Variants in SPAG9 observed in about 807,000 individuals in gnomAD.
SPAG9 encodes the protein C-Jun-amino-terminal kinase-interacting protein 4.
A neutral mutation model predicts 166.5 loss-of-function variants in SPAG9; 35 were observed. The observed-to-expected ratio is 0.21, with a 90% CI of 0.16 to 0.28. The LOEUF (loss-of-function observed/expected upper bound fraction) is 0.28, where lower values mean the gene tolerates loss of function less well. SPAG9 is among the 10% of genes least tolerant of loss of function. SPAG9 has a pLI of 1.00. For missense variants in SPAG9, 1,235 were observed against 1,603.3 expected (o/e 0.77, Z 3.92); for synonymous variants, 534 against 565.5 (o/e 0.94, Z 0.79).
At chr17:51,021,111 G>A (rs761799246) in intron 7 of SPAG9, 47 bp downstream of exon 7, 29 of 1,503,090 alleles carry the variant, frequency 1.9e-5, no homozygotes, top group Non-Finnish European at 2.8e-6. Context: ...ACATTATCCA[G>A]GTTTACTGAA....
At chr17:51,016,122 A>G (rs1359469882) in intron 8 of SPAG9, 1 of 152,148 alleles carries the variant, frequency 6.6e-6, no homozygotes, top group Admixed American at 6.5e-5. Context: ...TGGAAAAAAA[A>G]TCTCCCAACC....
chr17:50,994,905 A>G, intron 18 of SPAG9, 152 bp downstream of exon 18: 2 of 582,848 alleles, frequency 3.4e-6, no homozygotes, highest in South Asian at 2.6e-5. Flanking sequence ...TTATACCTCA[A>G]TATTTTAAAA....
At chr17:51,075,195 CAAAAA>C (rs57533555) in intron 2 of SPAG9, among the ~76,000 whole-genome samples, 1 of 28,966 alleles carries the variant, frequency 3.5e-5, no homozygotes, top group Admixed American at 4.7e-4. Context: ...GACTCCATCT[CAAAAA>C]AAAAAAAAAA....
chr17:50,999,693 C>G lies in SPAG9; in HGVS notation c.1632G>C (p.Met544Ile), dbSNP rs148718222. Residue 544 changes from methionine (M) to isoleucine (I), a missense_variant, in exon 14 of 30, where the codon ATG becomes ATC. By Grantham distance (10) the Met-to-Ile change is conservative. Transcript: ENST00000262013. Reference protein sequence around the residue: ...MIRASRENPAMQEKKRSSIWQ... With the variant: ...MIRASRENPAIQEKKRSSIWQ... ...AAATGCTTGACCTTTTTTTTTCCTGCATGGCTGGATTTTCTCGTGATGCCC... is the reference window on the plus strand; with the variant it reads ...AAATGCTTGACCTTTTTTTTTCCTGGATGGCTGGATTTTCTCGTGATGCCC... The G allele has an allele frequency of 1.2e-6, 2 of 1,612,002 alleles. No individual in the cohort carries two copies. Among genetic ancestry groups the G allele is most frequent in the Non-Finnish European group, 1.7e-6 (2 of 1,179,174 alleles).
chr17:51,080,696 C>T (rs1423711534), intron 1 of SPAG9, among the ~76,000 whole-genome samples: 3 of 151,916 alleles, frequency 2.0e-5, no homozygotes, highest in African/African-American at 7.3e-5. Flanking sequence ...ACCTGGCCAA[C>T]ATGCTGAAAC....
intron 8 of SPAG9, 120 bp downstream of exon 8, chr17:51,020,039 A>C (rs2045878537): frequency 1.6e-6 from 1 of 639,664 alleles, no homozygotes; most frequent in Non-Finnish European, 2.8e-6. Context: ...ATTAGAATAT[A>C]ATACTAACAT....
chr17:51,021,087 A>G lies in SPAG9; in HGVS notation c.991+71T>C, dbSNP rs187588275. ...AAGCAGGCAACACCCACAAAGACAT[A>G]TTTTCTCATACCCACATTATCCAGG... On this transcript the variant is annotated intron_variant, in intron 7 of 29. Transcript: ENST00000262013. 9 of 1,328,698 alleles carry G rather than the reference A, an allele frequency of 6.8e-6. No homozygotes were observed. In the African/African-American group the frequency reaches 1.3e-4, roughly 19 times the overall value. 82.3% of individuals were successfully genotyped at this position (1,328,698 alleles called of 1,614,324 possible). A position where few individuals can be genotyped will look rare whatever the true frequency, so the allele number is the denominator to read the frequency against.
rs1311753526 is a variant in SPAG9 at position 50,993,865 on chromosome 17, G to A, written c.2297C>T (p.Ser766Leu). Residue 766 changes from serine (S) to leucine (L), a missense_variant, in exon 19 of 30, where the codon TCG becomes TTG. By Grantham distance (145) the Ser-to-Leu change is moderately radical (BLOSUM62 -2). Around this residue, in one of 6 missense-constraint regions of SPAG9, gnomAD observed 493 missense variants for 559.4 expected, o/e 0.88. Coordinates refer to ENST00000262013, the MANE Select transcript of SPAG9 (RefSeq NM_001130528.3). ...ATCAATAATAAGAACTTTTGTAGCC[G>A]AATGAGTGCTGGTACAGATCCAAAC... ...SLVWICTSTHSATKVLIIDAV... is the reference protein window; with the variant it reads ...SLVWICTSTHLATKVLIIDAV... The A allele has an allele frequency of 6.8e-6, 11 of 1,613,982 alleles. No individual in the cohort carries two copies. Among genetic ancestry groups the A allele is most frequent in the Middle Eastern group, 1.6e-4 (1 of 6,084 alleles).
intron 19 of SPAG9, 24 bp downstream of exon 19, chr17:50,993,740 G>A (rs1185054968): frequency 6.2e-7 from 1 of 1,610,000 alleles, no homozygotes; most frequent in Non-Finnish European, 8.5e-7. Context: ...GGGGAGGGCA[G>A]AGAAACGCAT....
chr17:51,001,974 A>T (rs2044972939), intron 12 of SPAG9, 129 bp from the exon 13 acceptor site: 1 of 802,190 alleles, frequency 1.2e-6, no homozygotes. Context: ...TCATTTAAAG[A>T]AAAATGGCTT....
At chr17:51,112,671 CAAAAAAA>C (rs1206604151) in intron 1 of SPAG9, among the ~76,000 whole-genome samples, 3 of 41,400 alleles carry the variant, frequency 7.2e-5, no homozygotes, top group Non-Finnish European at 1.7e-4. Context: ...TCTGTCTCAA[CAAAAAAA>C]AAAAAAAAAA....
chr17:51,009,515 G>A (rs1024865807), intron 9 of SPAG9, among the ~76,000 whole-genome samples: 2 of 152,122 alleles, frequency 1.3e-5, no homozygotes, highest in Admixed American at 6.5e-5. Flanking sequence ...TGGCTTGCAC[G>A]TCTTTGGGTG....
chr17:50,992,497 C>T (rs984623371), intron 19 of SPAG9, among the ~76,000 whole-genome samples: 2 of 151,984 alleles, frequency 1.3e-5, no homozygotes, highest in African/African-American at 4.8e-5. Flanking sequence ...ATGGTGAAAC[C>T]CTGCCTACAA....
chr17:50,999,479 G>C, intron 14 of SPAG9, 182 bp downstream of exon 14: 1 of 1,498,516 alleles, frequency 6.7e-7, no homozygotes, highest in Non-Finnish European at 8.8e-7. Flanking sequence ...GCCTTACCGA[G>C]TTGGCACACT....
chr17:51,079,423 G>A (rs1484800278), intron 2 of SPAG9, among the ~76,000 whole-genome samples, 161 bp downstream of exon 2: 1 of 152,048 alleles, frequency 6.6e-6, no homozygotes, highest in Admixed American at 6.6e-5. Context: ...ATTTTTAGTA[G>A]AGACGAGGTT....
At chr17:51,107,046 G>T (rs903782948) in intron 1 of SPAG9, among the ~76,000 whole-genome samples, 1 of 150,474 alleles carries the variant, frequency 6.6e-6, no homozygotes, top group East Asian at 2.0e-4. Context: ...AGGTTGCAGC[G>T]AGCCAAGATC....
At chr17:51,059,951 T>C (rs1026077550) in intron 2 of SPAG9, among the ~76,000 whole-genome samples, 2 of 152,072 alleles carry the variant, frequency 1.3e-5, no homozygotes, top group African/African-American at 2.4e-5. Context: ...AAAATAGAGA[T>C]GGAATCAAAC....
rs371721966 is a variant in SPAG9 at position 50,996,360 on chromosome 17, C to T, written c.1968+205G>A. 8.1e-5 allele frequency: 46 copies of T among 571,280 alleles called. 1 individual carries two copies. In the South Asian group the frequency reaches 1.1e-3, roughly 13 times the overall value. 35.4% of individuals were successfully genotyped at this position (571,280 alleles called of 1,614,324 possible). On this transcript the variant is annotated intron_variant, in intron 16 of 29. Transcript: ENST00000262013. ...CCACCCTTTATTGACTCCTCCCCCCCTCACAGACTCAGAGCATTTCATTTG... is the reference window on the plus strand; with the variant it reads ...CCACCCTTTATTGACTCCTCCCCCCTTCACAGACTCAGAGCATTTCATTTG...
rs1220398997 is a variant in SPAG9, at chr17:51,089,122, CAA to C, written c.304-9420_304-9419del. ...CAAAACAAAACAAAACACACACACA[CAA>C]AAAAAAAACAGAAGTTGGGCCAGGC... On this transcript the variant is annotated intron_variant, in intron 1 of 29. Transcript: ENST00000262013. 4.7e-4 allele frequency among the ~76,000 whole-genome samples: 68 copies of C among 144,908 alleles called. 1 individual carries two copies. In the South Asian group the frequency reaches 0.011, roughly 24 times the overall value.
Sources: allele counts gnomAD v4.1 joint callset (sites outside exome capture counted in the v4.1 genomes callset), GRCh38; gene constraint gnomAD v4.1.1; regional missense constraint gnomAD v4.1.1; transcripts MANE v1.5; gene names NCBI Gene and HGNC (gene_info 2026-07-23, HGNC 2026-07-21).